The following FBXL17 variants were observed in gnomAD, a reference collection of about 807,000 sequenced individuals.
FBXL17 encodes F-box/LRR-repeat protein 17.
Under a neutral mutation model 66.2 loss-of-function variants are expected in FBXL17, and 22 were observed. The observed-to-expected ratio is 0.33, with a 90% CI of 0.24 to 0.47. The LOEUF is 0.47. Among genes scored for constraint, FBXL17 ranks in the 20% least tolerant of loss-of-function variants. The pLI is 1.00. For synonymous variants in FBXL17, 474 were observed against 400.5 expected, an observed-to-expected ratio of 1.18 and a Z score of -2.19; for missense variants, 878 against 948.2, an observed-to-expected ratio of 0.93 and a Z score of 0.97.
intron 6 of FBXL17, among the ~76,000 whole-genome samples, chr5:108,022,338 T>C (rs780601493): frequency 2.0e-5 from 3 of 151,944 alleles, no homozygotes; most frequent in Non-Finnish European, 4.4e-5. Context: ...CATTTGGTTA[T>C]AACATAATAT....
At chr5:108,272,567 T>G (rs968737242) in intron 4 of FBXL17, among the ~76,000 whole-genome samples, 5 of 152,022 alleles carry the variant, frequency 3.3e-5, no homozygotes, top group Admixed American at 6.5e-5. Flanking sequence ...TTGGCCAAGC[T>G]TATCTCAAAC....
chr5:108,118,398 A>ACC (rs994904094), intron 6 of FBXL17, among the ~76,000 whole-genome samples: 1 of 152,116 alleles, frequency 6.6e-6, no homozygotes, highest in African/African-American at 2.4e-5. Context: ...TATCCCATCT[A>ACC]CCCAGGTGCT....
At chr5:108,299,293 A>ACCTG in intron 4 of FBXL17, 1 of 984,698 alleles carries the variant, frequency 1.0e-6, no homozygotes, top group Non-Finnish European at 1.2e-6. Flanking sequence ...TCCAAATTAA[A>ACCTG]CCTGAGGTTC....
rs548487390 is a variant in FBXL17, at chr5:108,174,681, A to G, written c.1745+11436T>C. Reference sequence around the variant, plus strand: ...GAAAAGAAGCACTTAAAAGTACTACAAGAAGAGCTAAAGAAAAACTCATAC... The same window carrying G: ...GAAAAGAAGCACTTAAAAGTACTACGAGAAGAGCTAAAGAAAAACTCATAC... On this transcript the variant is annotated intron_variant, in intron 6 of 8. Transcript: ENST00000542267. 4.0e-5 allele frequency among the ~76,000 whole-genome samples: 6 copies of G among 151,860 alleles called. 1 individual carries two copies. In the South Asian group the frequency reaches 1.2e-3, roughly 32 times the overall value.
intron 6 of FBXL17, among the ~76,000 whole-genome samples, chr5:108,059,465 ACAATGGTGCCT>A (rs1226095931): frequency 2.0e-5 from 3 of 152,180 alleles, no homozygotes. Context: ...ACCAGACTTG[ACAATGGTGCCT>A]CAGCAGGATG....
intron 7 of FBXL17, among the ~76,000 whole-genome samples, chr5:107,934,852 C>T (rs1750846930): frequency 6.6e-6 from 1 of 152,098 alleles, no homozygotes; most frequent in South Asian, 2.1e-4. Flanking sequence ...TTATCACATA[C>T]TTTAATGTAC....
chr5:108,011,367 G>A (rs1754162197), intron 7 of FBXL17, among the ~76,000 whole-genome samples: 1 of 152,130 alleles, frequency 6.6e-6, no homozygotes, highest in Admixed American at 6.5e-5. Flanking sequence ...CTCCCTTTTT[G>A]CTCCTACTTT....
intron 6 of FBXL17, among the ~76,000 whole-genome samples, chr5:108,170,082 CA>C (rs1489041121): frequency 6.6e-6 from 1 of 151,928 alleles, no homozygotes; most frequent in African/African-American, 2.4e-5. Flanking sequence ...TCACACATAG[CA>C]AAATATTTAT....
intron 7 of FBXL17, among the ~76,000 whole-genome samples, chr5:107,986,249 T>A (rs1230953849): frequency 2.0e-5 from 3 of 151,986 alleles, no homozygotes; most frequent in Non-Finnish European, 4.4e-5. Flanking sequence ...ATGCCAACCA[T>A]AACAAAGATA....
At chr5:108,130,863 T>A (rs182330445) in intron 6 of FBXL17, among the ~76,000 whole-genome samples, 7 of 152,230 alleles carry the variant, frequency 4.6e-5, no homozygotes, top group Admixed American at 2.0e-4. Context: ...AAAGACTGAC[T>A]TTGAAGTTCT....
chr5:108,104,300 G>A (rs377066792), intron 6 of FBXL17, among the ~76,000 whole-genome samples: 1 of 152,208 alleles, frequency 6.6e-6, no homozygotes, highest in South Asian at 2.1e-4. Context: ...GCCTCCCAAA[G>A]TGCTGGGATT....
At chr5:108,176,600 A>G (rs866865551) in intron 6 of FBXL17, among the ~76,000 whole-genome samples, 9 of 152,274 alleles carry the variant, frequency 5.9e-5, no homozygotes, top group South Asian at 4.1e-4. Flanking sequence ...CATCAAATTC[A>G]GTCCCATCTC....
intron 5 of FBXL17, among the ~76,000 whole-genome samples, chr5:108,213,825 G>A (rs1448852224): frequency 6.6e-6 from 1 of 152,100 alleles, no homozygotes; most frequent in African/African-American, 2.4e-5. Context: ...TAATTTGCAT[G>A]TCCCTAATCC....
In FBXL17 at chr5:107,909,215, C is replaced by A. The variant is rs146762095; in HGVS notation, c.1823-28036G>T. On this transcript the variant is annotated intron_variant, in intron 7 of 8. Coordinates refer to ENST00000542267, the MANE Select transcript of FBXL17 (RefSeq NM_001163315.3). ...CCGTTTTGAAGGCTCATTATTAACT[C>A]ATTTAAGTGGATTCTGAGTACTTCA... is the stretch of plus-strand genomic sequence containing the variant. 4.6e-5 allele frequency among the ~76,000 whole-genome samples: 7 copies of A among 152,204 alleles called. No homozygotes were observed. In the East Asian group the frequency reaches 1.4e-3, roughly 29 times the overall value.
chr5:108,347,696 T>A (rs997907214), intron 4 of FBXL17, among the ~76,000 whole-genome samples: 2 of 152,256 alleles, frequency 1.3e-5, no homozygotes, highest in Non-Finnish European at 2.9e-5. Flanking sequence ...TGGGGAGGGA[T>A]AGCTAATGGG....
rs58805667 is a variant in FBXL17 at position 108,014,522 on chromosome 5, T to C, written c.1822+6403A>G. ...TTTTAAGAAGTCCCTCTCAATAGATTTGACATTTGTAGTCTATTCTAGCAA... is the reference window on the plus strand; with the variant it reads ...TTTTAAGAAGTCCCTCTCAATAGATCTGACATTTGTAGTCTATTCTAGCAA... On this transcript the variant is annotated intron_variant, in intron 7 of 8. Coordinates refer to ENST00000542267, the MANE Select transcript of FBXL17 (RefSeq NM_001163315.3). 6.9e-3 allele frequency among the ~76,000 whole-genome samples: 1,046 copies of C among 152,182 alleles called. 10 individuals carry two copies. The highest frequency in any genetic ancestry group is 0.023 in the African/African-American group (948 of 41,548).
intron 5 of FBXL17, among the ~76,000 whole-genome samples, chr5:108,203,258 G>A (rs565570761): frequency 1.5e-3 from 222 of 152,074 alleles, no homozygotes; most frequent in Non-Finnish European, 2.6e-3. Flanking sequence ...CTAGAGGCAG[G>A]TAGATGGTAT....
chr5:108,020,553 C>T (rs1754553780), intron 7 of FBXL17, among the ~76,000 whole-genome samples: 1 of 151,942 alleles, frequency 6.6e-6, no homozygotes, highest in African/African-American at 2.4e-5. Flanking sequence ...TATGATATTA[C>T]ATTAAGCAAA....
intron 6 of FBXL17, among the ~76,000 whole-genome samples, chr5:108,055,846 A>G (rs574374150): frequency 2.6e-5 from 4 of 152,080 alleles, no homozygotes; most frequent in South Asian, 4.2e-4. Flanking sequence ...TCTCTTCTGT[A>G]AAAGAAAAAA....
Sources: gnomAD v4.1 joint callset for allele counts (sites outside exome capture counted in the v4.1 genomes callset) on GRCh38, gnomAD v4.1.1 for gene constraint, MANE v1.5 for transcripts, NCBI Gene and HGNC (gene_info 2026-07-23, HGNC 2026-07-21) for gene names.